The following SLC13A5 variants were observed in gnomAD, a reference collection of about 807,000 sequenced individuals.
The protein encoded by SLC13A5 is solute carrier family 13 member 5.
Under a neutral mutation model 56.5 loss-of-function variants are expected in SLC13A5, and 25 were observed. The observed-to-expected ratio is 0.44, with a 90% CI of 0.32 to 0.62. SLC13A5 has a LOEUF of 0.62. Among genes scored for constraint, SLC13A5 ranks in the 20% least tolerant of loss-of-function variants. The pLI is 0.04. For missense variants in SLC13A5, 649 were observed against 737.8 expected (o/e 0.88, Z 1.39); for synonymous variants, 307 against 301.5 (o/e 1.02, Z -0.19).
intron 1 of SLC13A5, among the ~76,000 whole-genome samples, chr17:6,710,513 G>A (rs1973992464): frequency 6.6e-6 from 1 of 152,098 alleles, no homozygotes; most frequent in Non-Finnish European, 1.5e-5. Flanking sequence ...GTTCCTGGAG[G>A]AGTCAAGCAG....
At chr17:6,700,885 G>A in intron 6 of SLC13A5, 119 bp downstream of exon 6, 14 of 1,439,470 alleles carry the variant, frequency 9.7e-6, no homozygotes, top group Non-Finnish European at 1.3e-5. Context: ...AGACAGGGCT[G>A]GAGAAAGATC....
At position 6,711,420 on chromosome 17, in the gene SLC13A5, C is replaced by G. The variant is rs1974018301; in HGVS notation, c.102+1812G>C. Among the ~76,000 whole-genome samples, 1 of 146,030 alleles carries G rather than the reference C, an allele frequency of 6.8e-6. No homozygotes were observed. The highest frequency in any genetic ancestry group is 2.2e-4 in the South Asian group (1 of 4,488). ...AAAGGACAGCTTAATCTCTCTCTCT[C>G]TCTCTCTTACACACACACACATACA... On this transcript the variant is annotated intron_variant, in intron 1 of 11. Transcript: ENST00000433363. The surrounding 1 kb of genome is among the most constrained non-coding windows in gnomAD (Gnocchi z 4.0).
intron 10 of SLC13A5, chr17:6,689,989 C>A (rs183505173): frequency 3.6e-5 from 5 of 138,850 alleles, no homozygotes; most frequent in Non-Finnish European, 7.6e-5. Flanking sequence ...GGTCTTCTGA[C>A]TGCGAGACCA....
intron 3 of SLC13A5, chr17:6,705,157 T>C (rs771253847): frequency 2.0e-5 from 3 of 150,308 alleles, no homozygotes; most frequent in African/African-American, 5.0e-5. Flanking sequence ...CAGGCAGACA[T>C]TATGGACCCA....
chr17:6,695,553 C>T (rs1428909364), intron 7 of SLC13A5, 173 bp downstream of exon 7: 1 of 602,472 alleles, frequency 1.7e-6, no homozygotes, highest in Non-Finnish European at 2.9e-6. Context: ...CCATGCCTCG[C>T]TAATTTTCTG....
At chr17:6,695,117 T>G (rs1354689781) in intron 7 of SLC13A5, among the ~76,000 whole-genome samples, 2 of 152,130 alleles carry the variant, frequency 1.3e-5, no homozygotes, top group African/African-American at 4.8e-5. Flanking sequence ...AAGAAATCTC[T>G]CTCATCACAG....
chr17:6,708,079 T>C (rs1205501757), intron 1 of SLC13A5, among the ~76,000 whole-genome samples: 1 of 152,164 alleles, frequency 6.6e-6, no homozygotes, highest in Non-Finnish European at 1.5e-5. Context: ...TTCAAGCGAT[T>C]CTCCTGCCTC....
intron 7 of SLC13A5, 72 bp from the exon 8 acceptor site, chr17:6,694,269 T>C (rs1973500050): frequency 1.1e-6 from 1 of 893,704 alleles, no homozygotes; most frequent in East Asian, 2.6e-5. Context: ...ACTCCGGCAG[T>C]TCTGTGTCCA....
At position 6,690,633 on chromosome 17, in the gene SLC13A5, T is replaced by C. The variant is rs1044405017; in HGVS notation, c.1437+146A>G. 65 of 1,114,938 alleles carry C rather than the reference T, an allele frequency of 5.8e-5. 1 individual carries two copies. The African/African-American group carries it at 9.3e-4, about 16-fold the overall frequency. The allele number at this position is 1,114,938 out of a possible 1,614,324, so 69.1% of individuals were successfully genotyped here. ...GCCTCAGGGGCAGAGGCATCCAGGGTCCACAAATCCACGTCACAGTCAGAC... is the reference window on the plus strand; with the variant it reads ...GCCTCAGGGGCAGAGGCATCCAGGGCCCACAAATCCACGTCACAGTCAGAC... On this transcript the variant is annotated intron_variant, in intron 10 of 11. Coordinates refer to ENST00000433363, the MANE Select transcript of SLC13A5 (RefSeq NM_177550.5).
chr17:6,690,689 C>A, intron 10 of SLC13A5, 90 bp downstream of exon 10: 1 of 1,572,248 alleles, frequency 6.4e-7, no homozygotes, highest in South Asian at 1.1e-5. Flanking sequence ...CTGAGTCTGG[C>A]CTGGACATTG....
At chr17:6,712,529 A>G (rs992898780) in intron 1 of SLC13A5, among the ~76,000 whole-genome samples, 3 of 152,198 alleles carry the variant, frequency 2.0e-5, no homozygotes, top group African/African-American at 7.2e-5. Context: ...CCAAGGCGCG[A>G]GCTCTGGGAA....
rs752728373 is a variant in SLC13A5, at chr17:6,713,353, C to A, written c.-20G>T. Reference sequence around the variant, plus strand: ...GGCCATCGCGCGGGAGGGAGACTGGCGGGCGAGACGAGTGAGGGGCAGCTA... The same window carrying A: ...GGCCATCGCGCGGGAGGGAGACTGGAGGGCGAGACGAGTGAGGGGCAGCTA... On this transcript the variant is annotated 5_prime_UTR_variant, in exon 1 of 12. Coordinates refer to ENST00000433363, the MANE Select transcript of SLC13A5 (RefSeq NM_177550.5). This position sits in a 1 kb window ranked among gnomAD's most constrained non-coding sequence, Gnocchi z 7.3. 6.2e-6 allele frequency: 10 copies of A among 1,609,818 alleles called. No homozygotes were observed. In the South Asian group the frequency reaches 6.6e-5, roughly 11 times the overall value.
At chr17:6,709,253 T>G (rs1293608738) in intron 1 of SLC13A5, among the ~76,000 whole-genome samples, 2 of 151,080 alleles carry the variant, frequency 1.3e-5, no homozygotes, top group Admixed American at 1.3e-4. Context: ...GCTTATTTAT[T>G]TATTTATTTA....
In SLC13A5 at chr17:6,691,390, C is replaced by T. The variant is rs555934487; in HGVS notation, c.1276-450G>A. Among the ~76,000 whole-genome samples the T allele has an allele frequency of 1.4e-3, 208 of 152,338 alleles. 2 individuals are homozygous for T. Among genetic ancestry groups the T allele is most frequent in the Non-Finnish European group, 2.1e-3 (142 of 68,038 alleles). ...GTCAGTCACCAAGTCACCCAAATGT[C>T]TCACATCCATCTCCTCCTCTTCAGT... is the stretch of plus-strand genomic sequence containing the variant. On this transcript the variant is annotated intron_variant, in intron 9 of 11. Coordinates refer to ENST00000433363, the MANE Select transcript of SLC13A5 (RefSeq NM_177550.5).
Position 6,687,316 on chromosome 17 carries a change from C to T in SLC13A5, c.1575+213G>A. ...CCAGGTGGGAGAGTCTATAACCCACCTCAGAGAAAGAACAGTGTGTGAGGC... is the reference window on the plus strand; with the variant it reads ...CCAGGTGGGAGAGTCTATAACCCACTTCAGAGAAAGAACAGTGTGTGAGGC... On this transcript the variant is annotated intron_variant, in intron 11 of 11. Transcript: ENST00000433363. The surrounding 1 kb of genome is among the most constrained non-coding windows in gnomAD (Gnocchi z 5.0). The T allele has an allele frequency of 1.6e-6, 1 of 640,542 alleles. No individual in the cohort carries two copies. The highest frequency in any genetic ancestry group is 2.5e-6 in the Non-Finnish European group (1 of 397,350). 39.7% of individuals were successfully genotyped at this position (640,542 alleles called of 1,614,324 possible).
chr17:6,688,011 G>T (rs1973297604), intron 10 of SLC13A5: 1 of 177,940 alleles, frequency 5.6e-6, no homozygotes, highest in Non-Finnish European at 1.2e-5. Context: ...GACTGAGAGA[G>T]CCTAGAGGCC....
chr17:6,702,954 G>T lies in SLC13A5; in HGVS notation c.716+16C>A. On this transcript the variant is annotated intron_variant, in intron 5 of 11. Coordinates refer to ENST00000433363, the MANE Select transcript of SLC13A5 (RefSeq NM_177550.5). The stretch of plus-strand genomic sequence containing the variant: ...ACCCACTTCGTTGTCCCCAGAAGGT[G>T]CGACCAAGGACTCACTCGTTCATCT... 6.2e-7 allele frequency: 1 copy of T among 1,605,768 alleles called. No individual in the cohort carries two copies. Among genetic ancestry groups the T allele is most frequent in the Non-Finnish European group, 8.5e-7 (1 of 1,172,528 alleles).
intron 2 of SLC13A5, 100 bp downstream of exon 2, chr17:6,706,928 T>G (rs1597677289): frequency 1.3e-6 from 2 of 1,564,544 alleles, no homozygotes; most frequent in Non-Finnish European, 1.7e-6. Flanking sequence ...CAAATGAGGG[T>G]TTTCCGGTCA....
intron 7 of SLC13A5, chr17:6,695,482 T>A: frequency 2.3e-6 from 1 of 430,912 alleles, no homozygotes; most frequent in Non-Finnish European, 4.3e-6. Flanking sequence ...CTCTGCCTCC[T>A]GGGTTCAAGT....
Sources: allele counts gnomAD v4.1 joint callset (sites outside exome capture counted in the v4.1 genomes callset), GRCh38; gene constraint gnomAD v4.1.1; non-coding constraint Gnocchi (gnomAD v3.1); transcripts MANE v1.5; gene names NCBI Gene and HGNC (gene_info 2026-07-23, HGNC 2026-07-21).